The following DAB1 variants were observed in gnomAD, a reference collection of about 807,000 sequenced individuals.
DAB1 encodes disabled homolog 1.
In DAB1, 15 loss-of-function variants were observed where a neutral mutation model predicts 64.6. That is an observed-to-expected ratio of 0.23 (90% CI 0.16 to 0.36). The LOEUF (loss-of-function observed/expected upper bound fraction) is 0.36. Ranked by LOEUF, DAB1 falls within the 10% of genes least tolerant of loss-of-function variation. The probability of loss-of-function intolerance (pLI) is 1.00; values close to 1 mark genes in which losing one functional copy is unlikely to be tolerated. For synonymous variants in DAB1, 235 were observed against 251.9 expected (o/e 0.93, Z 0.64); for missense variants, 596 against 706.7 (o/e 0.84, Z 1.78).
chr1:57,015,241 C>T lies in DAB1; in HGVS notation c.1086G>A (p.Pro362=), dbSNP rs771457263. ...TTTGTGTGGGCATGAAGGCGGCTGG[C>T]GGAAACTGCCCGGCCACAGTTGGCC... ...QPWPTVAGQF[P]PAAFMPTQTV... Residue 362 remains proline, a synonymous_variant, in exon 12 of 15, where the codon CCG becomes CCA. Coordinates refer to ENST00000371236, the MANE Select transcript of DAB1 (RefSeq NM_001365792.1). The T allele has an allele frequency of 4.7e-5, 76 of 1,613,842 alleles. No individual in the cohort carries two copies. Among genetic ancestry groups the T allele is most frequent in the East Asian group, 8.9e-5 (4 of 44,876 alleles).
intron 9 of DAB1, among the ~76,000 whole-genome samples, 189 bp from the exon 10 acceptor site, chr1:57,026,232 A>T (rs1046107312): frequency 1.3e-5 from 2 of 152,230 alleles, no homozygotes; most frequent in African/African-American, 4.8e-5. Context: ...GCCAGAATCA[A>T]TTCTTGCTTC....
At chr1:57,091,840 G>C (rs1373993070) in intron 4 of DAB1, among the ~76,000 whole-genome samples, 2 of 152,076 alleles carry the variant, frequency 1.3e-5, no homozygotes, top group East Asian at 1.9e-4. Flanking sequence ...TGTTACCTAA[G>C]TGTGTGGTTT....
chr1:58,352,662 C>A (rs1644069669), intron 3 of DAB1, among the ~76,000 whole-genome samples: 1 of 152,148 alleles, frequency 6.6e-6, no homozygotes, highest in African/African-American at 2.4e-5. Flanking sequence ...GGGTGCTATT[C>A]ACACTGTGGT....
chr1:57,504,984 A>T (rs191892848), intron 7 of DAB1, among the ~76,000 whole-genome samples: 1 of 152,240 alleles, frequency 6.6e-6, no homozygotes, highest in Non-Finnish European at 1.5e-5. Flanking sequence ...TTAAGAAGAC[A>T]TGATGATGAA....
At chr1:57,820,713 C>T (rs1652078155) in intron 6 of DAB1, among the ~76,000 whole-genome samples, 1 of 152,184 alleles carries the variant, frequency 6.6e-6, no homozygotes, top group Admixed American at 6.5e-5. Flanking sequence ...TGCCATACAT[C>T]TATCCAGCTA....
At chr1:57,721,602 A>C (rs1261287710) in intron 6 of DAB1, among the ~76,000 whole-genome samples, 2 of 152,230 alleles carry the variant, frequency 1.3e-5, no homozygotes, top group African/African-American at 2.4e-5. Context: ...CAGAGGAAGG[A>C]AAGAGCCCAG....
chr1:57,099,673 G>C (rs1654491653), intron 4 of DAB1, among the ~76,000 whole-genome samples: 1 of 152,208 alleles, frequency 6.6e-6, no homozygotes, highest in Non-Finnish European at 1.5e-5. Context: ...CCTGATGCAA[G>C]AGCATTATCT....
intron 5 of DAB1, among the ~76,000 whole-genome samples, chr1:58,009,782 T>C (rs1004049225): frequency 6.6e-6 from 1 of 152,120 alleles, no homozygotes; most frequent in African/African-American, 2.4e-5. Context: ...TATCTTTCCT[T>C]ATATGATATT....
intron 2 of DAB1, among the ~76,000 whole-genome samples, chr1:57,158,241 C>T (rs764448615): frequency 6.6e-5 from 10 of 152,098 alleles, no homozygotes; most frequent in Non-Finnish European, 1.5e-4. Flanking sequence ...TTACATTAAG[C>T]ATCAGTGGCC....
At chr1:58,021,559 A>G (rs1646814925) in intron 5 of DAB1, among the ~76,000 whole-genome samples, 1 of 152,212 alleles carries the variant, frequency 6.6e-6, no homozygotes, top group Admixed American at 6.5e-5. Context: ...TAGATGGTGG[A>G]CCAATTGCTT....
At chr1:57,613,373 A>T (rs1193005652) in intron 7 of DAB1, among the ~76,000 whole-genome samples, 2 of 152,174 alleles carry the variant, frequency 1.3e-5, no homozygotes, top group Non-Finnish European at 2.9e-5. Flanking sequence ...AGCAGGTGGG[A>T]GGGTCAGAAG....
chr1:57,067,959 A>T (rs1651086014), intron 8 of DAB1, among the ~76,000 whole-genome samples: 1 of 152,174 alleles, frequency 6.6e-6, no homozygotes, highest in South Asian at 2.1e-4. Flanking sequence ...ACTACCACTT[A>T]GCCAAAGGTA....
chr1:57,963,376 G>A (rs1024931134), intron 5 of DAB1, among the ~76,000 whole-genome samples: 18 of 152,256 alleles, frequency 1.2e-4, no homozygotes, highest in Non-Finnish European at 2.5e-4. Context: ...GGCTGGGTTA[G>A]GTATCTTATC....
intron 2 of DAB1, among the ~76,000 whole-genome samples, chr1:57,170,000 CT>C (rs57228221): frequency 4.0e-3 from 575 of 142,542 alleles, no homozygotes; most frequent in East Asian, 7.5e-3. Context: ...TTCTTTCTTT[CT>C]TTTTTTTTTT....
intron 6 of DAB1, among the ~76,000 whole-genome samples, chr1:57,683,193 T>C (rs1646656860): frequency 6.6e-6 from 1 of 152,184 alleles, no homozygotes; most frequent in South Asian, 2.1e-4. Flanking sequence ...TGTGGGTTCA[T>C]GGGCTGGCGT....
At chr1:57,535,959 C>T (rs1272696744) in intron 7 of DAB1, among the ~76,000 whole-genome samples, 1 of 152,198 alleles carries the variant, frequency 6.6e-6, no homozygotes, top group Non-Finnish European at 1.5e-5. Flanking sequence ...TCCCTTTGCT[C>T]CCCTTAGATA....
chr1:57,583,440 A>G (rs909532650), intron 7 of DAB1, among the ~76,000 whole-genome samples: 1 of 151,394 alleles, frequency 6.6e-6, no homozygotes, highest in African/African-American at 2.4e-5. Context: ...GCGCGCGCCA[A>G]TATGCCCAGC....
intron 7 of DAB1, among the ~76,000 whole-genome samples, chr1:57,431,154 A>AAAAAAAG (rs1558372189): frequency 6.6e-6 from 1 of 151,606 alleles, no homozygotes; most frequent in African/African-American, 2.4e-5. Flanking sequence ...AAAAAAAAAA[A>AAAAAAAG]AAAGAAAAAC....
chr1:58,525,765 T>A (rs1212803267), intron 2 of DAB1, among the ~76,000 whole-genome samples: 1 of 152,068 alleles, frequency 6.6e-6, no homozygotes, highest in East Asian at 1.9e-4. Context: ...AAGAGTCAAA[T>A]CAATTCTGCA....
Sources: gnomAD v4.1 joint callset for allele counts (sites outside exome capture counted in the v4.1 genomes callset) on GRCh38, gnomAD v4.1.1 for gene constraint, MANE v1.5 for transcripts, NCBI Gene and HGNC (gene_info 2026-07-23, HGNC 2026-07-21) for gene names.